PCDH9: variants seen among roughly 807,000 people sequenced by gnomAD.
PCDH9 encodes protocadherin 9, also known as protocadherin-9.
A neutral mutation model predicts 70.6 loss-of-function variants in PCDH9; 24 were observed. The ratio of observed to expected loss-of-function variants is 0.34; its 90% confidence interval spans 0.25 to 0.48. PCDH9 has a LOEUF of 0.48. Among genes scored for constraint, PCDH9 ranks in the 20% least tolerant of loss-of-function variants. The pLI, the probability that PCDH9 is intolerant of heterozygous loss-of-function variation, is 0.99. For missense variants in PCDH9, 1,281 were observed against 1,503.6 expected (o/e 0.85, Z 2.45); for synonymous variants, 562 against 558.5 (o/e 1.01, Z -0.09).
At chr13:66,834,498 C>T (rs74093626) in intron 3 of PCDH9, among the ~76,000 whole-genome samples, 2,640 of 152,062 alleles carry the variant, frequency 0.017, 73 homozygotes, top group African/African-American at 0.059. Context: ...ACAACTGTAC[C>T]CAAAATTACT....
chr13:67,087,667 CT>C lies in PCDH9; in HGVS notation c.3036+137737del, dbSNP rs1269818019. 5.3e-5 allele frequency among the ~76,000 whole-genome samples: 8 copies of C among 152,088 alleles called. 1 individual carries two copies. Among genetic ancestry groups the C allele is most frequent in the Admixed American group, 5.3e-4 (8 of 15,226 alleles). ...ATGCCCCATCCTCCTGTTACACACA[CT>C]TTACTTATACAACACAGGCCAATGT... is the stretch of plus-strand genomic sequence containing the variant. On this transcript the variant is annotated intron_variant, in intron 2 of 4. Transcript: ENST00000377865.
intron 4 of PCDH9, among the ~76,000 whole-genome samples, chr13:66,449,816 T>C (rs1958169702): frequency 6.6e-6 from 1 of 152,186 alleles, no homozygotes; most frequent in African/African-American, 2.4e-5. Context: ...ATAAAGATTA[T>C]ATTATGCATC....
chr13:66,329,958 A>T (rs998027713), intron 4 of PCDH9, among the ~76,000 whole-genome samples: 4 of 152,202 alleles, frequency 2.6e-5, no homozygotes, highest in Admixed American at 2.0e-4. Flanking sequence ...ACAATAAAAA[A>T]CATCTGGTAG....
intron 3 of PCDH9, among the ~76,000 whole-genome samples, chr13:66,845,662 C>G (rs544928808): frequency 6.6e-6 from 1 of 152,268 alleles, no homozygotes; most frequent in South Asian, 2.1e-4. Context: ...CCTGCTTGCT[C>G]CGTGGAGGAC....
At chr13:66,732,052 T>C (rs2079086478) in intron 3 of PCDH9, among the ~76,000 whole-genome samples, 1 of 151,976 alleles carries the variant, frequency 6.6e-6, no homozygotes, top group Admixed American at 6.6e-5. Flanking sequence ...ATTCAAGATA[T>C]GCTTTTGATT....
At chr13:66,551,548 C>T (rs1961491180) in intron 4 of PCDH9, among the ~76,000 whole-genome samples, 1 of 152,142 alleles carries the variant, frequency 6.6e-6, no homozygotes, top group Admixed American at 6.5e-5. Flanking sequence ...TTTTTAAATT[C>T]TCCATATACT....
In PCDH9 at chr13:66,795,478, G is replaced by A. The variant is rs149240922; in HGVS notation, c.3138+108026C>T. On this transcript the variant is annotated intron_variant, in intron 3 of 4. Coordinates refer to ENST00000377865, the MANE Select transcript of PCDH9 (RefSeq NM_203487.3). ...TAGCTTTAATTAATTAATTCCAGCC[G>A]ATATATGACTGGGGGAAAATATCAC... 5.9e-5 allele frequency among the ~76,000 whole-genome samples: 9 copies of A among 152,080 alleles called. No individual in the cohort carries two copies. In the South Asian group the frequency reaches 8.3e-4, roughly 14 times the overall value.
intron 2 of PCDH9, among the ~76,000 whole-genome samples, chr13:66,974,904 T>C (rs971205856): frequency 2.0e-5 from 3 of 152,052 alleles, no homozygotes; most frequent in Non-Finnish European, 2.9e-5. Flanking sequence ...TGTTATGACA[T>C]AACCTGGTTT....
Position 66,309,059 on chromosome 13 carries a change from G to A in PCDH9, c.3341-4031C>T, listed in dbSNP as rs1955519356. On this transcript the variant is annotated intron_variant, in intron 4 of 4. Coordinates refer to ENST00000377865, the MANE Select transcript of PCDH9 (RefSeq NM_203487.3). ...TAATTTTTGTAGTTACATGGTAGGTGTATGTATTTATGGGGTACTTACTTT... is the reference window on the plus strand; with the variant it reads ...TAATTTTTGTAGTTACATGGTAGGTATATGTATTTATGGGGTACTTACTTT... 2.0e-5 allele frequency among the ~76,000 whole-genome samples: 3 copies of A among 152,126 alleles called. No homozygotes were observed. In the South Asian group the frequency reaches 6.2e-4, roughly 31 times the overall value.
intron 2 of PCDH9, among the ~76,000 whole-genome samples, chr13:67,192,717 C>T (rs2088951645): frequency 6.6e-6 from 1 of 152,042 alleles, no homozygotes; most frequent in Admixed American, 6.6e-5. Context: ...GGAGTAGATT[C>T]CTGAAGAGAT....
rs183602506 is a variant in PCDH9 at position 66,881,606 on chromosome 13, A to G, written c.3138+21898T>C. 1.4e-4 allele frequency among the ~76,000 whole-genome samples: 22 copies of G among 152,350 alleles called. No homozygotes were observed. In the East Asian group the frequency reaches 4.2e-3, roughly 29 times the overall value. ...TTCAATAAGGGATATATAATAATAT[A>G]TGATTCTGAAGCATATTACTTGAAG... is the stretch of plus-strand genomic sequence containing the variant. On this transcript the variant is annotated intron_variant, in intron 3 of 4. Transcript: ENST00000377865.
chr13:66,721,068 AC>A (rs2078935738), intron 3 of PCDH9, among the ~76,000 whole-genome samples: 1 of 152,212 alleles, frequency 6.6e-6, no homozygotes, highest in African/African-American at 2.4e-5. Flanking sequence ...ATGGGTTATA[AC>A]CATTAGCATT....
At chr13:66,511,662 A>G (rs1468093213) in intron 4 of PCDH9, among the ~76,000 whole-genome samples, 1 of 152,122 alleles carries the variant, frequency 6.6e-6, no homozygotes, top group Non-Finnish European at 1.5e-5. Context: ...TTTCTCAGGA[A>G]TATTTTAGTA....
chr13:66,378,265 A>G (rs1019381688), intron 4 of PCDH9, among the ~76,000 whole-genome samples: 2 of 152,222 alleles, frequency 1.3e-5, no homozygotes, highest in Non-Finnish European at 2.9e-5. Context: ...AATATTTTAT[A>G]CCAGCTTGCC....
chr13:67,055,397 G>A (rs2085398516), intron 2 of PCDH9, among the ~76,000 whole-genome samples: 2 of 152,156 alleles, frequency 1.3e-5, no homozygotes, highest in South Asian at 4.1e-4. Flanking sequence ...AGCAGAATCA[G>A]TAGTCATACA....
chr13:66,504,186 T>C (rs746582484), intron 4 of PCDH9, among the ~76,000 whole-genome samples: 1 of 152,206 alleles, frequency 6.6e-6, no homozygotes, highest in Non-Finnish European at 1.5e-5. Context: ...GCCAATCCTT[T>C]TGTCTAAAAA....
chr13:66,333,266 A>G (rs977082125), intron 4 of PCDH9, among the ~76,000 whole-genome samples: 3 of 152,284 alleles, frequency 2.0e-5, no homozygotes, highest in Non-Finnish European at 4.4e-5. Context: ...GATACGATGG[A>G]GATTTTATTT....
At chr13:66,779,847 C>CTA (rs1282944249) in intron 3 of PCDH9, among the ~76,000 whole-genome samples, 1,111 of 59,590 alleles carry the variant, frequency 0.019, 11 homozygotes, top group African/African-American at 0.045. Context: ...CTCTCTCTCT[C>CTA]TCTATATATA....
intron 4 of PCDH9, among the ~76,000 whole-genome samples, chr13:66,426,219 T>TG (rs1363347672): frequency 6.7e-6 from 1 of 149,870 alleles, no homozygotes; most frequent in Non-Finnish European, 1.5e-5. Flanking sequence ...ATCATATGAA[T>TG]GAAAAAAAAA....
Sources: gnomAD v4.1 joint callset for allele counts (sites outside exome capture counted in the v4.1 genomes callset) on GRCh38, gnomAD v4.1.1 for gene constraint, MANE v1.5 for transcripts, NCBI Gene and HGNC (gene_info 2026-07-23, HGNC 2026-07-21) for gene names.